Variants in ADAM9 observed in about 807,000 individuals in gnomAD.
The protein encoded by ADAM9 is ADAM metallopeptidase domain 9.
In ADAM9, 54 loss-of-function variants were observed where a neutral mutation model predicts 108.1. The observed-to-expected ratio is 0.50, with a 90% CI of 0.40 to 0.63. ADAM9 has a LOEUF of 0.63. Among genes scored for constraint, ADAM9 ranks in the 20% least tolerant of loss-of-function variants. ADAM9 has a pLI of 0.00. For missense variants in ADAM9, 830 were observed against 997.7 expected (o/e 0.83, Z 2.26); for synonymous variants, 316 against 336.0 (o/e 0.94, Z 0.65).
intron 14 of ADAM9, among the ~76,000 whole-genome samples, chr8:39,056,408 C>T (rs978540657): frequency 3.3e-5 from 5 of 151,942 alleles, no homozygotes; most frequent in African/African-American, 1.2e-4. Flanking sequence ...GGCAATGCGA[C>T]GTTTTGATTT....
intron 14 of ADAM9, among the ~76,000 whole-genome samples, chr8:39,066,900 C>T (rs1838497052): frequency 6.6e-6 from 1 of 152,222 alleles, no homozygotes; most frequent in South Asian, 2.1e-4. Flanking sequence ...ACATTTCAGT[C>T]TTTAATCCAT....
intron 12 of ADAM9, among the ~76,000 whole-genome samples, chr8:39,045,385 G>GTGT (rs1554579176): frequency 6.3e-5 from 1 of 15,950 alleles, no homozygotes. Flanking sequence ...TACACCTATA[G>GTGT]GTGTGTGTAC....
At chr8:39,012,459 A>G (rs540248187) in intron 3 of ADAM9, among the ~76,000 whole-genome samples, 131 of 152,328 alleles carry the variant, frequency 8.6e-4, no homozygotes, top group African/African-American at 3.1e-3. Context: ...TATACCCAAT[A>G]GATTATAAAT....
intron 1 of ADAM9, among the ~76,000 whole-genome samples, chr8:39,000,380 TTTA>T (rs1218948219): frequency 6.6e-6 from 1 of 152,122 alleles, no homozygotes; most frequent in African/African-American, 2.4e-5. Flanking sequence ...ATTATTGTAG[TTTA>T]TTTTCCATTT....
At chr8:39,033,451 T>C (rs1014479122) in intron 11 of ADAM9, among the ~76,000 whole-genome samples, 2 of 152,006 alleles carry the variant, frequency 1.3e-5, no homozygotes, top group East Asian at 3.8e-4. Context: ...CAATCTGATA[T>C]TGCTTTACCT....
At chr8:39,023,130 A>G (rs895320477) in intron 8 of ADAM9, 26 bp from the exon 9 acceptor site, 2 of 1,583,516 alleles carry the variant, frequency 1.3e-6, no homozygotes, top group African/African-American at 1.4e-5. Context: ...ACTATATTTT[A>G]TATACTTTTA....
chr8:39,046,757 CATT>C (rs987711847), intron 12 of ADAM9, among the ~76,000 whole-genome samples: 2 of 151,682 alleles, frequency 1.3e-5, no homozygotes, highest in African/African-American at 4.9e-5. Flanking sequence ...TGGTATATCT[CATT>C]ATTTAATTAA....
chr8:39,043,884 C>T (rs1370353119), intron 12 of ADAM9, among the ~76,000 whole-genome samples: 1 of 152,144 alleles, frequency 6.6e-6, no homozygotes, highest in African/African-American at 2.4e-5. Context: ...CAGTATTTGA[C>T]TTTCTGCTTC....
At chr8:39,057,744 G>A (rs1838171909) in intron 14 of ADAM9, among the ~76,000 whole-genome samples, 1 of 152,016 alleles carries the variant, frequency 6.6e-6, no homozygotes, top group African/African-American at 2.4e-5. Flanking sequence ...GATTGGATGG[G>A]GCCCACCTCC....
intron 11 of ADAM9, among the ~76,000 whole-genome samples, chr8:39,040,195 G>A (rs1428529012): frequency 2.0e-5 from 3 of 151,958 alleles, no homozygotes; most frequent in Non-Finnish European, 2.9e-5. Flanking sequence ...GATTACAGAC[G>A]TGCACCACCA....
intron 9 of ADAM9, 28 bp from the exon 10 acceptor site, chr8:39,025,775 A>G: frequency 6.2e-7 from 1 of 1,605,650 alleles, no homozygotes; most frequent in Middle Eastern, 1.7e-4. Context: ...CCCCAAGAAC[A>G]TTTTTTAACT....
Position 39,023,313 on chromosome 8 carries a change from C to A in ADAM9, c.902C>A (p.Ala301Glu). 1 of 1,611,854 alleles carries A rather than the reference C, an allele frequency of 6.2e-7. No homozygotes were observed. The highest frequency in any genetic ancestry group is 8.5e-7 in the Non-Finnish European group (1 of 1,179,074). Residue 301 changes from alanine (A) to glutamate (E), a missense_variant, in exon 9 of 22, where the codon GCA (alanine) becomes GAA (glutamate). Transcript: ENST00000487273. ...FLITRRRHDS[A>E]QLVLKKGFGG... ...ATCACACGTCGGAGACATGACAGTG[C>A]ACAGCTAGTTCTGTAAGTATTTTTT...
At position 39,002,673 on chromosome 8, in the gene ADAM9, T is replaced by C. The variant is rs190377962; in HGVS notation, c.98-5213T>C. Among the ~76,000 whole-genome samples, 664 of 152,278 alleles carry C rather than the reference T, an allele frequency of 4.4e-3. 4 individuals carry two copies. The highest frequency in any genetic ancestry group is 8.2e-3 in the Non-Finnish European group (557 of 68,010). ...CTTCCCTGTACTACAATTACTATTATGAAAAGTGTGCTCAGACTTCCTCTA... is the reference window on the plus strand; with the variant it reads ...CTTCCCTGTACTACAATTACTATTACGAAAAGTGTGCTCAGACTTCCTCTA... On this transcript the variant is annotated intron_variant, in intron 1 of 21. Transcript: ENST00000487273.
chr8:39,003,480 G>GAAA (rs1836066127), intron 1 of ADAM9, among the ~76,000 whole-genome samples: 1 of 147,724 alleles, frequency 6.8e-6, no homozygotes. Context: ...CTACTATTTG[G>GAAA]AATTTAAAAA....
chr8:39,057,924 C>G (rs4329240), intron 14 of ADAM9, among the ~76,000 whole-genome samples: 12,988 of 152,098 alleles, frequency 0.085, 871 homozygotes, highest in African/African-American at 0.19. Flanking sequence ...CATCAAAAAT[C>G]CACTCCTTGT....
chr8:39,084,403 T>G (rs911442780), intron 18 of ADAM9, among the ~76,000 whole-genome samples: 1 of 151,880 alleles, frequency 6.6e-6, no homozygotes, highest in Non-Finnish European at 1.5e-5. Flanking sequence ...TTTTGACATG[T>G]TATACCTCCA....
At chr8:39,079,616 G>A (rs1002662023) in intron 16 of ADAM9, among the ~76,000 whole-genome samples, 3 of 139,070 alleles carry the variant, frequency 2.2e-5, no homozygotes, top group Non-Finnish European at 3.1e-5. Flanking sequence ...TTTTTTTGGA[G>A]CCTCACTCTG....
intron 14 of ADAM9, among the ~76,000 whole-genome samples, chr8:39,067,396 C>A (rs1476963054): frequency 6.6e-6 from 1 of 152,118 alleles, no homozygotes; most frequent in African/African-American, 2.4e-5. Flanking sequence ...ATGGAATGTT[C>A]TTCCATTTGT....
intron 12 of ADAM9, among the ~76,000 whole-genome samples, chr8:39,044,095 T>C (rs868185995): frequency 6.6e-6 from 1 of 152,216 alleles, no homozygotes; most frequent in South Asian, 2.1e-4. Flanking sequence ...TAGTTTGATA[T>C]AGCCCCACTT....
Sources: allele counts gnomAD v4.1 joint callset (sites outside exome capture counted in the v4.1 genomes callset), GRCh38; gene constraint gnomAD v4.1.1; transcripts MANE v1.5; gene names NCBI Gene and HGNC (gene_info 2026-07-23, HGNC 2026-07-21).